GRM7: variants seen among roughly 807,000 people sequenced by gnomAD.
GRM7 encodes the protein glutamate metabotropic receptor 7, also known as metabotropic glutamate receptor 7.
A neutral mutation model predicts 84.5 loss-of-function variants in GRM7; 35 were observed. That is an observed-to-expected ratio of 0.41 (90% CI 0.32 to 0.55). GRM7 has a LOEUF of 0.55. Ranked by LOEUF, GRM7 falls within the 20% of genes least tolerant of loss-of-function variation. The pLI, the probability that GRM7 is intolerant of heterozygous loss-of-function variation, is 0.19. For synonymous variants in GRM7, 487 were observed against 455.1 expected (o/e 1.07, Z -0.89); for missense variants, 1,003 against 1,194.6 (o/e 0.84, Z 2.36).
chr3:7,426,387 A>G (rs1696613679), intron 5 of GRM7, among the ~76,000 whole-genome samples: 1 of 152,152 alleles, frequency 6.6e-6, no homozygotes, highest in African/African-American at 2.4e-5. Context: ...GCAAGGCCCT[A>G]TCTCATACTC....
intron 2 of GRM7, among the ~76,000 whole-genome samples, chr3:7,270,009 G>T (rs1472390632): frequency 6.6e-6 from 1 of 152,164 alleles, no homozygotes; most frequent in Non-Finnish European, 1.5e-5. Flanking sequence ...AGAATCACAT[G>T]GAAGGCTTGT....
At chr3:7,338,936 G>GAA (rs59730500) in intron 4 of GRM7, among the ~76,000 whole-genome samples, 2 of 133,636 alleles carry the variant, frequency 1.5e-5, no homozygotes, top group South Asian at 2.5e-4. Context: ...CCAGGCTGGG[G>GAA]AAAAAAAAAA....
intron 7 of GRM7, among the ~76,000 whole-genome samples, chr3:7,527,260 T>C (rs1285248247): frequency 6.6e-6 from 1 of 151,998 alleles, no homozygotes; most frequent in Non-Finnish European, 1.5e-5. Context: ...TATAAGTATT[T>C]GTAGGTATTT....
At chr3:7,667,860 CAAAA>C (rs61182264) in intron 8 of GRM7, among the ~76,000 whole-genome samples, 1 of 128,436 alleles carries the variant, frequency 7.8e-6, no homozygotes, top group African/African-American at 2.8e-5. Context: ...AGATTTATGT[CAAAA>C]AAAAAAAAAA....
In GRM7 at chr3:7,195,502, CA is replaced by C. The variant is rs1434567810; in HGVS notation, c.736+48836del. 7.2e-5 allele frequency among the ~76,000 whole-genome samples: 11 copies of C among 152,108 alleles called. No homozygotes were observed. The East Asian group carries it at 2.1e-3, about 29-fold the overall frequency. On this transcript the variant is annotated intron_variant, in intron 2 of 9. Coordinates refer to ENST00000357716, the MANE Select transcript of GRM7 (RefSeq NM_000844.4). Reference sequence around the variant, plus strand: ...TTGTCATTCAACTCTACTCTTCATGCAAGTTCTAAAGTAAGAGAAATTTGGG... The same window carrying C: ...TTGTCATTCAACTCTACTCTTCATGCAGTTCTAAAGTAAGAGAAATTTGGG...
intron 1 of GRM7, among the ~76,000 whole-genome samples, chr3:6,985,945 G>GT (rs1173672852): frequency 4.6e-5 from 7 of 152,048 alleles, no homozygotes; most frequent in East Asian, 1.9e-4. Context: ...ATATTTTTGG[G>GT]TTTTTTGAGA....
intron 7 of GRM7, among the ~76,000 whole-genome samples, chr3:7,506,039 T>C (rs1451699431): frequency 1.3e-5 from 2 of 152,208 alleles, no homozygotes; most frequent in Non-Finnish European, 2.9e-5. Flanking sequence ...CTCTTTCTTC[T>C]ATATTTTACT....
chr3:7,457,695 T>C (rs951493763), intron 6 of GRM7, among the ~76,000 whole-genome samples: 3 of 152,188 alleles, frequency 2.0e-5, no homozygotes, highest in African/African-American at 7.2e-5. Context: ...AGTAGCACTG[T>C]GACTTCTAAG....
At chr3:7,060,094 G>A (rs2324051) in intron 1 of GRM7, among the ~76,000 whole-genome samples, 36,296 of 151,502 alleles carry the variant, frequency 0.24, 4,686 homozygotes, top group African/African-American at 0.34. Context: ...AAGATAGACC[G>A]ATTTTTCTTT....
At chr3:7,385,431 G>A (rs1327469649) in intron 4 of GRM7, among the ~76,000 whole-genome samples, 2 of 151,008 alleles carry the variant, frequency 1.3e-5, no homozygotes, top group Non-Finnish European at 2.9e-5. Flanking sequence ...CTCTTGAGTA[G>A]CTGGGATTAC....
At chr3:7,489,322 A>G (rs1262419188) in intron 7 of GRM7, among the ~76,000 whole-genome samples, 1 of 152,114 alleles carries the variant, frequency 6.6e-6, no homozygotes, top group Admixed American at 6.6e-5. Context: ...TGATATCACC[A>G]TATGTTGAAA....
At chr3:7,180,057 C>T (rs1695286079) in intron 2 of GRM7, among the ~76,000 whole-genome samples, 1 of 152,112 alleles carries the variant, frequency 6.6e-6, no homozygotes, top group African/African-American at 2.4e-5. Context: ...TTTCTTTCAA[C>T]CTTCTTTTAT....
chr3:7,312,015 A>G (rs1212714220), intron 4 of GRM7, among the ~76,000 whole-genome samples: 1 of 152,136 alleles, frequency 6.6e-6, no homozygotes, highest in African/African-American at 2.4e-5. Context: ...TCTATCATTA[A>G]CCAATAACAA....
At chr3:7,235,978 G>C (rs1223384060) in intron 2 of GRM7, among the ~76,000 whole-genome samples, 1 of 152,182 alleles carries the variant, frequency 6.6e-6, no homozygotes, top group East Asian at 1.9e-4. Flanking sequence ...CAGTTCTGGA[G>C]GCTGGGAGGT....
At chr3:7,473,532 A>AGAGAGAGAGAGAGAGAGAC (rs1553603738) in intron 7 of GRM7, among the ~76,000 whole-genome samples, 2 of 83,558 alleles carry the variant, frequency 2.4e-5, no homozygotes, top group Non-Finnish European at 2.8e-5. Context: ...GAGAGAGAGA[A>AGAGAGAGAGAGAGAGAGAC]ACACCTTGAC....
At chr3:7,547,415 C>G (rs1693217979) in intron 7 of GRM7, among the ~76,000 whole-genome samples, 1 of 151,860 alleles carries the variant, frequency 6.6e-6, no homozygotes, top group Non-Finnish European at 1.5e-5. Context: ...ACTGTGTTAG[C>G]CAGGATGGTC....
At chr3:7,283,099 G>A (rs1382782259) in intron 2 of GRM7, among the ~76,000 whole-genome samples, 1 of 151,980 alleles carries the variant, frequency 6.6e-6, no homozygotes, top group Admixed American at 6.6e-5. Flanking sequence ...ACATGACCTC[G>A]ATTTTAATCT....
chr3:7,200,474 A>T (rs2125113080), intron 2 of GRM7, among the ~76,000 whole-genome samples: 1 of 152,326 alleles, frequency 6.6e-6, no homozygotes, highest in African/African-American at 2.4e-5. Flanking sequence ...AATGTGATTC[A>T]CTTAGATTGG....
rs778155234 is a variant in GRM7 at position 7,674,053 on chromosome 3, T to C, written c.2452-5996T>C. 5.5e-4 allele frequency among the ~76,000 whole-genome samples: 84 copies of C among 152,134 alleles called. 1 individual carries two copies. Among genetic ancestry groups the C allele is most frequent in the Non-Finnish European group, 8.8e-4 (60 of 68,026 alleles). On this transcript the variant is annotated intron_variant, in intron 8 of 9. Coordinates refer to ENST00000357716, the MANE Select transcript of GRM7 (RefSeq NM_000844.4). ...GAATGGTTTATGCAGAGGATGCCTG[T>C]GGATTGAGCATCAAATATAACAATA...
Sources: allele counts gnomAD v4.1 joint callset (sites outside exome capture counted in the v4.1 genomes callset), GRCh38; gene constraint gnomAD v4.1.1; transcripts MANE v1.5; gene names NCBI Gene and HGNC (gene_info 2026-07-23, HGNC 2026-07-21).